The following PTPRD variants were observed in gnomAD, a reference collection of about 807,000 sequenced individuals.
The protein encoded by PTPRD is protein tyrosine phosphatase receptor type D, also known as receptor-type tyrosine-protein phosphatase delta.
In PTPRD, 34 loss-of-function variants were observed where a neutral mutation model predicts 214.5. The observed-to-expected ratio is 0.16, with a 90% CI of 0.12 to 0.21. The LOEUF is 0.21. Among genes scored for constraint, PTPRD ranks in the 10% least tolerant of loss-of-function variants. The probability of loss-of-function intolerance (pLI) is 1.00; values close to 1 mark genes in which losing one functional copy is unlikely to be tolerated. For missense variants in PTPRD, 2,545 were observed against 2,398.7 expected (o/e 1.06, Z -1.27); for synonymous variants, 1,128 against 845.7 (o/e 1.33, Z -5.79).
intron 3 of PTPRD, among the ~76,000 whole-genome samples, chr9:10,267,905 A>G (rs891261811): frequency 5.3e-5 from 8 of 152,174 alleles, no homozygotes; most frequent in African/African-American, 1.9e-4. Flanking sequence ...AATCACACAT[A>G]TCTAATGATC....
At chr9:8,505,643 A>AAAAG (rs2097529594) in intron 22 of PTPRD, among the ~76,000 whole-genome samples, 3 of 123,312 alleles carry the variant, frequency 2.4e-5, no homozygotes, top group Admixed American at 8.0e-5. Flanking sequence ...AAAAAAAAAA[A>AAAAG]AAGAAGAAGA....
At chr9:8,441,033 G>C (rs1182184839) in intron 34 of PTPRD, among the ~76,000 whole-genome samples, 1 of 152,072 alleles carries the variant, frequency 6.6e-6, no homozygotes, top group Non-Finnish European at 1.5e-5. Flanking sequence ...ATGAAGTGGG[G>C]GGCAAAGTCT....
At chr9:8,965,829 G>T (rs1336859196) in intron 11 of PTPRD, among the ~76,000 whole-genome samples, 2 of 152,066 alleles carry the variant, frequency 1.3e-5, no homozygotes, top group African/African-American at 4.8e-5. Context: ...ATCCAAATAG[G>T]AAAAGAATAA....
At chr9:9,080,387 A>G (rs1392318680) in intron 10 of PTPRD, among the ~76,000 whole-genome samples, 1 of 152,116 alleles carries the variant, frequency 6.6e-6, no homozygotes, top group Non-Finnish European at 1.5e-5. Context: ...CTGTATGTGA[A>G]TACTGATTTT....
chr9:10,491,703 C>A (rs2040306850), intron 2 of PTPRD, among the ~76,000 whole-genome samples: 1 of 151,652 alleles, frequency 6.6e-6, no homozygotes, highest in East Asian at 1.9e-4. Context: ...CCACAATTTT[C>A]AGGGTTTCTT....
intron 12 of PTPRD, among the ~76,000 whole-genome samples, chr9:8,638,688 G>A (rs924238540): frequency 3.9e-5 from 6 of 151,932 alleles, no homozygotes; most frequent in Non-Finnish European, 4.4e-5. Context: ...CTGGAACTGC[G>A]GGCCTGCTTA....
intron 12 of PTPRD, among the ~76,000 whole-genome samples, chr9:8,684,812 T>C (rs1040959186): frequency 2.0e-5 from 3 of 152,198 alleles, no homozygotes; most frequent in South Asian, 2.1e-4. Flanking sequence ...ATTATAATTA[T>C]ATTCATTTAC....
At chr9:8,679,801 C>G (rs532399048) in intron 12 of PTPRD, among the ~76,000 whole-genome samples, 10 of 152,186 alleles carry the variant, frequency 6.6e-5, no homozygotes, top group Non-Finnish European at 1.5e-4. Flanking sequence ...CTAGTCATTA[C>G]AACTACTTCT....
chr9:8,777,715 A>G (rs1329103818), intron 11 of PTPRD, among the ~76,000 whole-genome samples: 5 of 152,018 alleles, frequency 3.3e-5, no homozygotes, highest in Non-Finnish European at 7.3e-5. Context: ...AGCTGGTCAT[A>G]TATTAAATTG....
At position 10,092,051 on chromosome 9, in the gene PTPRD, G is replaced by GT. The variant is rs1231726907; in HGVS notation, c.-544-58262_-544-58261insA. Among the ~76,000 whole-genome samples the GT allele has an allele frequency of 2.0e-5, 3 of 151,392 alleles. No homozygotes were observed. In the East Asian group the frequency reaches 5.9e-4, roughly 30 times the overall value. ...CCTGTCCACAAGCTTAAAAATGAAGGAAGTAATGATTAAAGGAAGAAACCA... is the reference window on the plus strand; with the variant it reads ...CCTGTCCACAAGCTTAAAAATGAAGGTAAGTAATGATTAAAGGAAGAAACCA... On this transcript the variant is annotated intron_variant, in intron 3 of 45. Transcript: ENST00000381196.
At chr9:9,366,758 A>C (rs1454532315) in intron 9 of PTPRD, among the ~76,000 whole-genome samples, 1 of 151,582 alleles carries the variant, frequency 6.6e-6, no homozygotes, top group Non-Finnish European at 1.5e-5. Flanking sequence ...AGTAAAAAAG[A>C]GGTTACAAAA....
intron 4 of PTPRD, among the ~76,000 whole-genome samples, chr9:9,984,849 C>A (rs1338132853): frequency 1.3e-5 from 2 of 152,042 alleles, no homozygotes; most frequent in African/African-American, 4.8e-5. Context: ...CATGGCTGGG[C>A]AAGCATCATC....
chr9:8,789,761 G>T (rs897527387), intron 11 of PTPRD, among the ~76,000 whole-genome samples: 11 of 152,044 alleles, frequency 7.2e-5, no homozygotes, highest in African/African-American at 2.7e-4. Context: ...ATCGGGAGGG[G>T]GTGGAATTCA....
At chr9:8,804,850 A>T (rs2096644166) in intron 11 of PTPRD, among the ~76,000 whole-genome samples, 1 of 152,206 alleles carries the variant, frequency 6.6e-6, no homozygotes. Flanking sequence ...AGGTACACTC[A>T]TAAAAATAGC....
intron 2 of PTPRD, among the ~76,000 whole-genome samples, chr9:10,461,676 G>A (rs966433649): frequency 6.7e-6 from 1 of 149,994 alleles, no homozygotes; most frequent in Non-Finnish European, 1.5e-5. Flanking sequence ...AGGCTGGAGT[G>A]CAGTGGCACG....
chr9:9,245,636 G>T (rs1452254754), intron 9 of PTPRD, among the ~76,000 whole-genome samples: 1 of 151,992 alleles, frequency 6.6e-6, no homozygotes, highest in Non-Finnish European at 1.5e-5. Context: ...GGGGGATGGG[G>T]GAGGGATAGC....
intron 10 of PTPRD, among the ~76,000 whole-genome samples, chr9:9,037,392 G>C (rs1403534212): frequency 6.6e-6 from 1 of 152,140 alleles, no homozygotes; most frequent in African/African-American, 2.4e-5. Flanking sequence ...GTTTGTGTTA[G>C]CAAACCTCAC....
chr9:8,707,733 T>C (rs541853338), intron 12 of PTPRD, among the ~76,000 whole-genome samples: 1 of 152,338 alleles, frequency 6.6e-6, no homozygotes, highest in Non-Finnish European at 1.5e-5. Flanking sequence ...GGTTTAACCA[T>C]GGCCACTACT....
At chr9:9,545,230 C>A (rs775794184) in intron 8 of PTPRD, among the ~76,000 whole-genome samples, 1 of 151,704 alleles carries the variant, frequency 6.6e-6, no homozygotes, top group Admixed American at 6.6e-5. Context: ...AAATGTATAA[C>A]GACACACACT....
Sources: gnomAD v4.1 joint callset for allele counts (sites outside exome capture counted in the v4.1 genomes callset) on GRCh38, gnomAD v4.1.1 for gene constraint, MANE v1.5 for transcripts, NCBI Gene and HGNC (gene_info 2026-07-23, HGNC 2026-07-21) for gene names.